The following TMEM156 variants were observed in gnomAD, a reference collection of about 807,000 sequenced individuals.
TMEM156 encodes the protein transmembrane protein 156.
TMEM156 carries 28 observed loss-of-function variants against 30.5 expected under a neutral mutation model. The observed-to-expected ratio is 0.92, with a 90% confidence interval of 0.68 to 1.26. The LOEUF (loss-of-function observed/expected upper bound fraction) is 1.26, where lower values mean the gene tolerates loss of function less well. TMEM156 is among the 50% of genes most tolerant of loss of function. TMEM156 has a pLI of 0.00. For synonymous variants in TMEM156, 137 were observed against 119.9 expected (o/e 1.14, Z -0.93); for missense variants, 351 against 340.6 (o/e 1.03, Z -0.24).
At chr4:38,989,537 A>G (rs763823728) in intron 3 of TMEM156, among the ~76,000 whole-genome samples, 13 of 152,254 alleles carry the variant, frequency 8.5e-5, no homozygotes, top group African/African-American at 3.1e-4. Flanking sequence ...GATCAAGTGC[A>G]TGCACTAATT....
At position 39,032,341 on chromosome 4, in the gene TMEM156, C is replaced by T; in HGVS notation, c.-28G>A. 1 of 1,395,542 alleles carries T rather than the reference C, an allele frequency of 7.2e-7. No individual in the cohort carries two copies. Among genetic ancestry groups the T allele is most frequent in the South Asian group, 1.2e-5 (1 of 84,208 alleles). 86.4% of individuals were successfully genotyped at this position (1,395,542 alleles called of 1,614,324 possible). A position where few individuals can be genotyped will look rare whatever the true frequency, so the allele number is the denominator to read the frequency against. ...CTCTTCACATGACACAAATGTGTTCCCTTGCAGTACATTCATGGTATGTTG... is the reference window on the plus strand; with the variant it reads ...CTCTTCACATGACACAAATGTGTTCTCTTGCAGTACATTCATGGTATGTTG... On this transcript the variant is annotated 5_prime_UTR_variant, in exon 1 of 7. Coordinates refer to ENST00000381938, the MANE Select transcript of TMEM156 (RefSeq NM_024943.3).
At position 38,986,489 on chromosome 4, in the gene TMEM156, TG is replaced by T. The variant is rs1711993859; in HGVS notation, c.740-71del. The T allele has an allele frequency of 3.1e-5, 37 of 1,183,054 alleles. 1 individual carries two copies. In the South Asian group the frequency reaches 4.5e-4, roughly 14 times the overall value. 73.3% of individuals were successfully genotyped at this position (1,183,054 alleles called of 1,614,324 possible). ...CATTGTTAACATATATTCCCCATGT[TG>T]GTTCAAAGGATTACCAAAAAGAATG... On this transcript the variant is annotated intron_variant, in intron 4 of 6. Coordinates refer to ENST00000381938, the MANE Select transcript of TMEM156 (RefSeq NM_024943.3).
In TMEM156 at chr4:38,988,995, A is replaced by T. The variant is rs750303429; in HGVS notation, c.620-25T>A. On this transcript the variant is annotated intron_variant, in intron 3 of 6. Transcript: ENST00000381938. Reference sequence around the variant, plus strand: ...TCTGTAAAGAAAACAAATACTGTAAAAACCCAGTAAAATTATTCAACAGAT... The same window carrying T: ...TCTGTAAAGAAAACAAATACTGTAATAACCCAGTAAAATTATTCAACAGAT... 36 of 1,599,742 alleles carry T rather than the reference A, an allele frequency of 2.3e-5. No individual in the cohort carries two copies. In the South Asian group the frequency reaches 3.9e-4, roughly 17 times the overall value.
At chr4:38,980,376 T>G (rs1177013275) in intron 5 of TMEM156, among the ~76,000 whole-genome samples, 1 of 152,182 alleles carries the variant, frequency 6.6e-6, no homozygotes, top group East Asian at 1.9e-4. Flanking sequence ...GGTGAAAGTA[T>G]TTGAAAGGCT....
At chr4:38,973,125 C>A (rs148139799) in intron 5 of TMEM156, among the ~76,000 whole-genome samples, 1 of 152,116 alleles carries the variant, frequency 6.6e-6, no homozygotes, top group African/African-American at 2.4e-5. Flanking sequence ...TTGTCCTAAA[C>A]GATTATTCAG....
chr4:39,019,038 A>C (rs529209965), intron 1 of TMEM156, among the ~76,000 whole-genome samples: 2,513 of 151,288 alleles, frequency 0.017, 63 homozygotes, highest in African/African-American at 0.044. Context: ...CAAAACAAAA[A>C]AAAAAAAAAA....
chr4:38,986,368 T>C lies in TMEM156; in HGVS notation c.791A>G (p.Lys264Arg). 6.2e-7 allele frequency: 1 copy of C among 1,614,038 alleles called. No homozygotes were observed. Among genetic ancestry groups the C allele is most frequent in the East Asian group, 2.2e-5 (1 of 44,862 alleles). ...AACCTGCACATTCAATGCTCTCAGTTTCTCCGAATCACTTCCTCTTAAGAG... is the reference window on the plus strand; with the variant it reads ...AACCTGCACATTCAATGCTCTCAGTCTCTCCGAATCACTTCCTCTTAAGAG... ...SVLLRGSDSE[K>R]LRALNVQVLS... Residue 264 changes from lysine to arginine, a missense_variant, in exon 5 of 7, where the codon AAA (lysine) becomes AGA (arginine). Physicochemically the swap from Lys to Arg is conservative, Grantham distance 26 (BLOSUM62 2). Transcript: ENST00000381938.
chr4:38,996,507 G>T (rs1024696580), intron 2 of TMEM156, among the ~76,000 whole-genome samples: 1 of 152,112 alleles, frequency 6.6e-6, no homozygotes, highest in Non-Finnish European at 1.5e-5. Flanking sequence ...AGGAGGCAGA[G>T]GTTGCAGTGA....
At chr4:39,009,403 C>T (rs1713957497) in intron 1 of TMEM156, among the ~76,000 whole-genome samples, 2 of 151,894 alleles carry the variant, frequency 1.3e-5, no homozygotes, top group African/African-American at 4.8e-5. Flanking sequence ...TCTATGAAAC[C>T]AGTATCATCC....
At chr4:39,021,471 C>T (rs1251570860) in intron 1 of TMEM156, among the ~76,000 whole-genome samples, 2 of 152,030 alleles carry the variant, frequency 1.3e-5, no homozygotes, top group African/African-American at 4.8e-5. Flanking sequence ...AATAACTCTT[C>T]ACTATCCTTT....
intron 1 of TMEM156, among the ~76,000 whole-genome samples, chr4:39,010,484 A>G (rs1714036358): frequency 6.6e-6 from 1 of 152,228 alleles, no homozygotes; most frequent in Non-Finnish European, 1.5e-5. Flanking sequence ...ACAAAGCCAG[A>G]GGCATCATAT....
At chr4:38,969,694 G>C (rs1722505336) in intron 6 of TMEM156, among the ~76,000 whole-genome samples, 1 of 152,188 alleles carries the variant, frequency 6.6e-6, no homozygotes, top group Non-Finnish European at 1.5e-5. Context: ...CCAGGCTCAA[G>C]TGATCTTCCT....
intron 1 of TMEM156, among the ~76,000 whole-genome samples, chr4:39,023,710 C>T (rs575164693): frequency 2.6e-5 from 4 of 152,080 alleles, no homozygotes; most frequent in African/African-American, 9.6e-5. Flanking sequence ...TAAAAAAATC[C>T]AGGCATGGTG....
Position 38,998,624 on chromosome 4 carries a change from T to G in TMEM156, c.358+16A>C. ...TACCTGATACCATTTTATTCTCACC[T>G]TCACTTTGTGTTTACCTTTTGATGT... On this transcript the variant is annotated intron_variant, in intron 2 of 6. Transcript: ENST00000381938. The G allele has an allele frequency of 6.3e-7, 1 of 1,599,468 alleles. No individual in the cohort carries two copies. The highest frequency in any genetic ancestry group is 8.5e-7 in the Non-Finnish European group (1 of 1,172,232).
intron 6 of TMEM156, among the ~76,000 whole-genome samples, chr4:38,969,739 C>T (rs183929900): frequency 1.2e-4 from 18 of 152,200 alleles, no homozygotes; most frequent in African/African-American, 2.4e-4. Flanking sequence ...ATTTCAGACA[C>T]GTGTCACCAC....
chr4:38,999,397 G>A (rs1006215277), intron 1 of TMEM156, among the ~76,000 whole-genome samples: 6 of 152,128 alleles, frequency 3.9e-5, no homozygotes, highest in African/African-American at 1.4e-4. Context: ...TTATAAAGAA[G>A]CGCTTGGAAT....
intron 6 of TMEM156, among the ~76,000 whole-genome samples, chr4:38,969,079 T>C (rs1251992057): frequency 2.0e-5 from 3 of 152,264 alleles, no homozygotes; most frequent in African/African-American, 7.2e-5. Context: ...GTCAGAATAC[T>C]TAGGATATCT....
At chr4:39,026,357 A>T (rs921507397) in intron 1 of TMEM156, among the ~76,000 whole-genome samples, 78 of 97,506 alleles carry the variant, frequency 8.0e-4, no homozygotes, top group Non-Finnish European at 1.4e-3. Flanking sequence ...CTCTTAAAAA[A>T]TTTTTTTAAA....
intron 4 of TMEM156, 118 bp from the exon 5 acceptor site, chr4:38,986,537 G>A (rs186742141): frequency 3.2e-4 from 234 of 729,852 alleles, no homozygotes; most frequent in African/African-American, 3.2e-3. Context: ...GGCCAGGCAC[G>A]GTGGTTCACG....
Sources: gnomAD v4.1 joint callset for allele counts (sites outside exome capture counted in the v4.1 genomes callset) on GRCh38, gnomAD v4.1.1 for gene constraint, MANE v1.5 for transcripts, NCBI Gene and HGNC (gene_info 2026-07-23, HGNC 2026-07-21) for gene names.